The following SVEP1 variants were observed in gnomAD, a reference collection of about 807,000 sequenced individuals.
SVEP1 encodes the protein sushi, von Willebrand factor type A, EGF and pentraxin domain containing 1.
Under a neutral mutation model 367.3 loss-of-function variants are expected in SVEP1, and 164 were observed. The ratio of observed to expected loss-of-function variants is 0.45; its 90% CI spans 0.39 to 0.51. SVEP1 has a LOEUF of 0.51. Ranked by LOEUF, SVEP1 falls within the 20% of genes least tolerant of loss-of-function variation. The probability of loss-of-function intolerance (pLI) is 0.00; values close to 1 mark genes in which losing one functional copy is unlikely to be tolerated. For synonymous variants in SVEP1, 1,666 were observed against 1,611.6 expected (o/e 1.03, Z -0.81); for missense variants, 4,117 against 4,425.3 (o/e 0.93, Z 1.98).
At chr9:110,463,945 C>T (rs1301426795) in intron 18 of SVEP1, among the ~76,000 whole-genome samples, 3 of 151,864 alleles carry the variant, frequency 2.0e-5, no homozygotes, top group Non-Finnish European at 4.4e-5. Flanking sequence ...AGAGTAGGGC[C>T]AAAAATTTAG....
rs1197475697 is a variant in SVEP1, at chr9:110,572,707, C to A, written c.531+6306G>T. 1.1e-4 allele frequency among the ~76,000 whole-genome samples: 15 copies of A among 131,262 alleles called. No homozygotes were observed. In the Admixed American group the frequency reaches 1.4e-3, roughly 12 times the overall value. 86.1% of individuals were successfully genotyped at this position (131,262 alleles called of 152,430 possible). Reference sequence around the variant, plus strand: ...CGAAACCTTGTCTCTACTAAAAATACAAAATTTAGTCAGGTGTGACGCCGA... The same window carrying A: ...CGAAACCTTGTCTCTACTAAAAATAAAAAATTTAGTCAGGTGTGACGCCGA... On this transcript the variant is annotated intron_variant, in intron 1 of 47. Coordinates refer to ENST00000374469, the MANE Select transcript of SVEP1 (RefSeq NM_153366.4).
At position 110,406,231 on chromosome 9, in the gene SVEP1, C is replaced by T. The variant is rs201297049; in HGVS notation, c.9369G>A (p.Gly3123=). ...PYPVCEPLSC[G]SPPSVANAVA... ...CTGCATTGGCGACAGACGGTGGGGA[C>T]CCACAGGACAAGGGCTCACAGACTG... is the stretch of plus-strand genomic sequence containing the variant. Residue 3123 remains glycine, a synonymous_variant, in exon 38 of 48, where the codon GGG becomes GGA. Transcript: ENST00000374469. 6.2e-7 allele frequency: 1 copy of T among 1,612,398 alleles called. No individual in the cohort carries two copies. The highest frequency in any genetic ancestry group is 8.5e-7 in the Non-Finnish European group (1 of 1,179,040).
At chr9:110,373,786 C>T (rs777302437) in intron 46 of SVEP1, among the ~76,000 whole-genome samples, 56 of 151,884 alleles carry the variant, frequency 3.7e-4, no homozygotes, top group South Asian at 6.2e-4. Context: ...CCTCAAGTGG[C>T]GTATAATCTA....
chr9:110,519,057 G>A (rs1427060941), intron 3 of SVEP1, among the ~76,000 whole-genome samples: 2 of 152,108 alleles, frequency 1.3e-5, no homozygotes, highest in Non-Finnish European at 2.9e-5. Context: ...GCCTAGTTTT[G>A]TACTGTCCCC....
intron 27 of SVEP1, chr9:110,443,294 A>G (rs1931320): frequency 0.84 from 313,832 of 372,790 alleles, 132,502 homozygotes; most frequent in East Asian, 0.99. Context: ...CCAGCTGCTA[A>G]TTCAGCATGC....
At chr9:110,497,430 T>C (rs969795866) in intron 7 of SVEP1, among the ~76,000 whole-genome samples, 1 of 152,220 alleles carries the variant, frequency 6.6e-6, no homozygotes, top group African/African-American at 2.4e-5. Flanking sequence ...ACAAGCTATT[T>C]TGAAATTGAA....
At chr9:110,526,556 C>T (rs751443787) in intron 3 of SVEP1, among the ~76,000 whole-genome samples, 5 of 152,056 alleles carry the variant, frequency 3.3e-5, no homozygotes, top group African/African-American at 9.7e-5. Flanking sequence ...GGCAGAGAAA[C>T]TGGATCACTC....
intron 47 of SVEP1, among the ~76,000 whole-genome samples, chr9:110,367,032 TAAA>T (rs1366901958): frequency 6.6e-6 from 1 of 152,168 alleles, no homozygotes; most frequent in Non-Finnish European, 1.5e-5. Flanking sequence ...GTAGAGAAGG[TAAA>T]CATTGAGGGA....
At chr9:110,441,849 C>T (rs561164045) in intron 27 of SVEP1, among the ~76,000 whole-genome samples, 1 of 152,274 alleles carries the variant, frequency 6.6e-6, no homozygotes, top group Non-Finnish European at 1.5e-5. Context: ...CCTAAGCTAC[C>T]CTTCCTGCCA....
At position 110,472,396 on chromosome 9, in the gene SVEP1, G is replaced by C; in HGVS notation, c.2600-73C>G. On this transcript the variant is annotated intron_variant, in intron 14 of 47. Coordinates refer to ENST00000374469, the MANE Select transcript of SVEP1 (RefSeq NM_153366.4). ...GTCAGCGTTCAGGTTCTAATGTTAA[G>C]CCACAAGTGAAATTACACTTGACCA... 3 of 1,421,790 alleles carry C rather than the reference G, an allele frequency of 2.1e-6. No individual in the cohort carries two copies. The East Asian group carries it at 7.2e-5, about 34-fold the overall frequency. 88.1% of individuals were successfully genotyped at this position (1,421,790 alleles called of 1,614,324 possible). A position where few individuals can be genotyped will look rare whatever the true frequency, so the allele number is the denominator to read the frequency against.
At chr9:110,377,989 A>G (rs1463699405) in intron 44 of SVEP1, among the ~76,000 whole-genome samples, 2 of 152,174 alleles carry the variant, frequency 1.3e-5, no homozygotes, top group African/African-American at 4.8e-5. Flanking sequence ...TGTCTGGCTT[A>G]TTTCATGTAG....
rs57822772 is a variant in SVEP1 at position 110,576,227 on chromosome 9, TCACA to T, written c.531+2782_531+2785del. On this transcript the variant is annotated intron_variant, in intron 1 of 47. Transcript: ENST00000374469. ...CCTAAATACATAGTAATAGGTAGTC[TCACA>T]CACACACACACACACACACTCACAC... Among the ~76,000 whole-genome samples the T allele has an allele frequency of 1.1e-3, 162 of 150,016 alleles. 3 individuals are homozygous for T. Among genetic ancestry groups the T allele is most frequent in the African/African-American group, 3.7e-3 (150 of 40,904 alleles).
Position 110,411,097 on chromosome 9 carries a change from C to T in SVEP1, c.6614G>A (p.Gly2205Asp), listed in dbSNP as rs1374034696. ...PIPTCHPVSC[G>D]EPPKVENGFL... ...GCCATTCTCAACCTTAGGTGGTTCA[C>T]CACAAGATACCGGGTGGCACGTCGG... Residue 2205 changes from glycine to aspartate, a missense_variant, in exon 37 of 48, where the codon GGT becomes GAT. Gly to Asp is a moderately conservative substitution (Grantham distance 94). Around this residue, in one of 4 missense-constraint regions of SVEP1, gnomAD observed 1,765 missense variants for 1,781.1 expected, o/e 0.99. Coordinates refer to ENST00000374469, the MANE Select transcript of SVEP1 (RefSeq NM_153366.4). The T allele has an allele frequency of 6.2e-7, 1 of 1,604,200 alleles. No homozygotes were observed. The highest frequency in any genetic ancestry group is 1.7e-5 in the Admixed American group (1 of 59,180).
intron 6 of SVEP1, among the ~76,000 whole-genome samples, chr9:110,502,426 T>G (rs923049276): frequency 6.6e-6 from 1 of 152,112 alleles, no homozygotes; most frequent in Non-Finnish European, 1.5e-5. Context: ...TTTGAATTTT[T>G]CTTACTTATA....
At position 110,455,706 on chromosome 9, in the gene SVEP1, A is replaced by G; in HGVS notation, c.3674-3T>C. The G allele has an allele frequency of 1.2e-6, 2 of 1,607,346 alleles. No individual in the cohort carries two copies. Among genetic ancestry groups the G allele is most frequent in the African/African-American group, 2.7e-5 (2 of 74,910 alleles). ...GATGTCTGTTTCACACTTTAAGCCT[A>G]CAATGTAAACCAAATGCTGAGGGAC... On this transcript the variant is annotated splice_region_variant and splice_polypyrimidine_tract_variant and intron_variant, in intron 21 of 47. Transcript: ENST00000374469.
intron 1 of SVEP1, among the ~76,000 whole-genome samples, chr9:110,563,750 C>G (rs1830456974): frequency 6.6e-6 from 1 of 152,176 alleles, no homozygotes. Context: ...GCTACTTCCT[C>G]CAACATTACA....
At position 110,386,061 on chromosome 9, in the gene SVEP1, A is replaced by G. The variant is rs1391085556; in HGVS notation, c.10074T>C (p.Pro3358=). Reference sequence around the variant, plus strand: ...CATTCTCGGGAATCACAAAAGGAACAGGGCATGGATTTGCTGTCAAAAAGA... The same window carrying G: ...CATTCTCGGGAATCACAAAAGGAACGGGGCATGGATTTGCTGTCAAAAAGA... ...PVPLCKPNPC[P]VPFVIPENAL... Residue 3358 remains proline, a synonymous_variant, in exon 43 of 48, where the codon CCT becomes CCC. Transcript: ENST00000374469. 2.5e-6 allele frequency: 4 copies of G among 1,609,280 alleles called. No individual in the cohort carries two copies. Among genetic ancestry groups the G allele is most frequent in the Non-Finnish European group, 3.4e-6 (4 of 1,178,330 alleles).
Position 110,398,026 on chromosome 9 carries a change from G to A in SVEP1, c.9822+2828C>T, listed in dbSNP as rs142411842. On this transcript the variant is annotated intron_variant, in intron 40 of 47. Transcript: ENST00000374469. ...TCATATGGAACCAAAAAAGAGCTGC[G>A]TCACCAAGTCAATCCTAAGCCAAAA... Among the ~76,000 whole-genome samples the A allele has an allele frequency of 1.7e-4, 19 of 110,358 alleles. 1 individual carries two copies. In the East Asian group the frequency reaches 1.9e-3, roughly 11 times the overall value. The allele number at this position is 110,358 out of a possible 152,430, so 72.4% of individuals were successfully genotyped here. A position where few individuals can be genotyped will look rare whatever the true frequency, so the allele number is the denominator to read the frequency against.
At chr9:110,513,275 T>C (rs1457733288) in intron 4 of SVEP1, among the ~76,000 whole-genome samples, 170 bp from the exon 5 acceptor site, 2 of 152,214 alleles carry the variant, frequency 1.3e-5, no homozygotes, top group African/African-American at 4.8e-5. Flanking sequence ...AGAACCCTTA[T>C]ATCTGACTCC....
Sources: gnomAD v4.1 joint callset for allele counts (sites outside exome capture counted in the v4.1 genomes callset) on GRCh38, gnomAD v4.1.1 for gene constraint, gnomAD v4.1.1 regional missense constraint, MANE v1.5 for transcripts, NCBI Gene and HGNC (gene_info 2026-07-23, HGNC 2026-07-21) for gene names.